The following CDH12 variants were observed in gnomAD, a reference collection of about 807,000 sequenced individuals.
The protein encoded by CDH12 is cadherin-12.
In CDH12, 41 loss-of-function variants were observed where a neutral mutation model predicts 74.1. The observed-to-expected ratio is 0.55, with a 90% CI of 0.43 to 0.72. The LOEUF is 0.72. CDH12 is among the 30% of genes least tolerant of loss of function. CDH12 has a pLI of 0.00. For synonymous variants in CDH12, 399 were observed against 355.0 expected (o/e 1.12, Z -1.39); for missense variants, 945 against 977.2 (o/e 0.97, Z 0.44).
chr5:22,554,889 C>T lies in CDH12; in HGVS notation c.-522-49525G>A, dbSNP rs149825116. On this transcript the variant is annotated intron_variant, in intron 1 of 14. Transcript: ENST00000382254. ...AAGTAGAGCTAATTATTGTGATCCA[C>T]GTATTTGTTACCCTCTCAAGCACAC... Among the ~76,000 whole-genome samples the T allele has an allele frequency of 3.3e-5, 5 of 152,178 alleles. No homozygotes were observed. In the East Asian group the frequency reaches 5.8e-4, roughly 18 times the overall value.
intron 3 of CDH12, among the ~76,000 whole-genome samples, chr5:22,320,014 C>T (rs994754442): frequency 2.0e-5 from 3 of 152,082 alleles, no homozygotes; most frequent in African/African-American, 7.2e-5. Flanking sequence ...TCTGGGAGAC[C>T]ACATTCTCAA....
At chr5:22,092,589 T>C (rs776635299) in intron 4 of CDH12, among the ~76,000 whole-genome samples, 1 of 151,784 alleles carries the variant, frequency 6.6e-6, no homozygotes, top group Non-Finnish European at 1.5e-5. Flanking sequence ...AAAAATAACA[T>C]AGTAACAAAT....
chr5:22,379,448 T>A (rs1040472204), intron 3 of CDH12, among the ~76,000 whole-genome samples: 1 of 152,156 alleles, frequency 6.6e-6, no homozygotes, highest in African/African-American at 2.4e-5. Flanking sequence ...AGTTACGTAT[T>A]GGACAAGAAA....
intron 1 of CDH12, among the ~76,000 whole-genome samples, chr5:22,720,596 A>G (rs1172429357): frequency 6.6e-6 from 1 of 152,144 alleles, no homozygotes; most frequent in African/African-American, 2.4e-5. Context: ...GAGGGCTCAG[A>G]AAAAGACAGA....
At chr5:22,494,720 G>T (rs1440916319) in intron 2 of CDH12, among the ~76,000 whole-genome samples, 4 of 152,136 alleles carry the variant, frequency 2.6e-5, no homozygotes, top group Non-Finnish European at 5.9e-5. Context: ...ACCAGGTGGG[G>T]CAGTGGCTCT....
intron 4 of CDH12, among the ~76,000 whole-genome samples, chr5:22,150,428 A>C (rs915326071): frequency 3.9e-5 from 6 of 152,038 alleles, no homozygotes; most frequent in Non-Finnish European, 8.8e-5. Flanking sequence ...TCAGTACTCA[A>C]TAACTAGCAA....
intron 3 of CDH12, among the ~76,000 whole-genome samples, chr5:22,402,557 T>C (rs1373379388): frequency 6.6e-6 from 1 of 152,184 alleles, no homozygotes; most frequent in African/African-American, 2.4e-5. Flanking sequence ...GTATGGTTTT[T>C]CCTTGTTCCT....
intron 1 of CDH12, among the ~76,000 whole-genome samples, chr5:22,594,946 A>G (rs1377632985): frequency 6.6e-6 from 1 of 152,146 alleles, no homozygotes; most frequent in Non-Finnish European, 1.5e-5. Context: ...AACACTCGGC[A>G]CAGTTTTCAG....
intron 5 of CDH12, among the ~76,000 whole-genome samples, chr5:22,015,351 TCA>T (rs1225195769): frequency 2.0e-5 from 3 of 152,136 alleles, no homozygotes; most frequent in Non-Finnish European, 4.4e-5. Flanking sequence ...GCTTAACTTA[TCA>T]CATAGTAGAG....
intron 3 of CDH12, among the ~76,000 whole-genome samples, chr5:22,310,241 A>C (rs2150427637): frequency 6.6e-6 from 1 of 152,066 alleles, no homozygotes; most frequent in East Asian, 1.9e-4. Flanking sequence ...TGGGTGGTTC[A>C]CCTGACGTCA....
intron 3 of CDH12, among the ~76,000 whole-genome samples, chr5:22,229,297 C>A (rs963957855): frequency 6.6e-6 from 1 of 151,222 alleles, no homozygotes; most frequent in Non-Finnish European, 1.5e-5. Flanking sequence ...TCTATTTAAT[C>A]ATCTTAATAT....
intron 1 of CDH12, among the ~76,000 whole-genome samples, chr5:22,594,674 C>T (rs2126804100): frequency 6.6e-6 from 1 of 152,206 alleles, no homozygotes; most frequent in African/African-American, 2.4e-5. Context: ...CTGAAATGAG[C>T]ATTTTAACTT....
intron 2 of CDH12, among the ~76,000 whole-genome samples, chr5:22,456,218 T>C (rs867512640): frequency 2.1e-5 from 3 of 140,876 alleles, no homozygotes; most frequent in Non-Finnish European, 3.0e-5. Context: ...ATTACAATGC[T>C]TTTTTTAAAT....
chr5:22,769,684 A>G (rs1334826361), intron 1 of CDH12, among the ~76,000 whole-genome samples: 1 of 152,062 alleles, frequency 6.6e-6, no homozygotes, highest in Admixed American at 6.6e-5. Flanking sequence ...TTAGTTCTAT[A>G]TTATCAGCAA....
rs551076334 is a variant in CDH12 at position 22,257,024 on chromosome 5, G to A, written c.-332-44381C>T. ...AGAATGAGATAATGTCCTTTGTAGGGACATGGTTGGAACTAGAGGCTGTTA... is the reference window on the plus strand; with the variant it reads ...AGAATGAGATAATGTCCTTTGTAGGAACATGGTTGGAACTAGAGGCTGTTA... On this transcript the variant is annotated intron_variant, in intron 3 of 14. Coordinates refer to ENST00000382254, the MANE Select transcript of CDH12 (RefSeq NM_004061.5). 7.2e-5 allele frequency among the ~76,000 whole-genome samples: 11 copies of A among 152,292 alleles called. No homozygotes were observed. In the East Asian group the frequency reaches 2.1e-3, roughly 29 times the overall value.
At chr5:22,149,216 T>G (rs1747412888) in intron 4 of CDH12, among the ~76,000 whole-genome samples, 1 of 152,158 alleles carries the variant, frequency 6.6e-6, no homozygotes, top group South Asian at 2.1e-4. Context: ...AAGACCCTAT[T>G]TCTAAAAAGG....
chr5:21,880,631 C>CTTTCTTTCTT (rs1561268600), intron 6 of CDH12, among the ~76,000 whole-genome samples: 1 of 84,996 alleles, frequency 1.2e-5, no homozygotes, highest in African/African-American at 4.3e-5. Context: ...TTCTTTCTTT[C>CTTTCTTTCTT]TTTCTTTCTT....
chr5:21,906,750 G>A (rs946035306), intron 6 of CDH12, among the ~76,000 whole-genome samples: 11 of 152,172 alleles, frequency 7.2e-5, no homozygotes, highest in Admixed American at 2.6e-4. Flanking sequence ...ACATTCCTGA[G>A]CTACAGTCAG....
At chr5:22,531,499 C>T (rs1000686007) in intron 1 of CDH12, among the ~76,000 whole-genome samples, 3 of 152,022 alleles carry the variant, frequency 2.0e-5, no homozygotes, top group Admixed American at 2.0e-4. Context: ...TATATTGCAC[C>T]TTAACCATCA....
Sources: gnomAD v4.1 joint callset for allele counts (sites outside exome capture counted in the v4.1 genomes callset) on GRCh38, gnomAD v4.1.1 for gene constraint, MANE v1.5 for transcripts, NCBI Gene and HGNC (gene_info 2026-07-23, HGNC 2026-07-21) for gene names.